Variants in GLT1D1 observed in about 807,000 individuals in gnomAD.
The protein encoded by GLT1D1 is glycosyltransferase 1 domain containing 1.
A neutral mutation model predicts 28.7 loss-of-function variants in GLT1D1; 21 were observed. The observed-to-expected ratio is 0.73, with a 90% CI of 0.52 to 1.05. The LOEUF is 1.05. GLT1D1 is among the 50% of genes least tolerant of loss of function. The probability of loss-of-function intolerance (pLI) is 0.00; values close to 1 mark genes in which losing one functional copy is unlikely to be tolerated. For synonymous variants in GLT1D1, 147 were observed against 124.8 expected, an observed-to-expected ratio of 1.18 and a Z score of -1.19; for missense variants, 343 against 330.6, an observed-to-expected ratio of 1.04 and a Z score of -0.29.
At chr12:128,907,819 C>T (rs73440345) in intron 4 of GLT1D1, among the ~76,000 whole-genome samples, 6,429 of 152,186 alleles carry the variant, frequency 0.042, 473 homozygotes, top group African/African-American at 0.15. Context: ...TTCCATGACC[C>T]GGGGCTCAAA....
At chr12:128,882,870 G>C (rs1957089178) in intron 2 of GLT1D1, among the ~76,000 whole-genome samples, 1 of 151,876 alleles carries the variant, frequency 6.6e-6, no homozygotes, top group Admixed American at 6.6e-5. Flanking sequence ...GGCCAAGAGT[G>C]TGTTAATCAA....
At chr12:128,938,670 C>T (rs1056820795) in intron 4 of GLT1D1, among the ~76,000 whole-genome samples, 3 of 152,184 alleles carry the variant, frequency 2.0e-5, no homozygotes, top group Non-Finnish European at 4.4e-5. Flanking sequence ...ATAATGCCTA[C>T]TGGTAAAGTG....
intron 2 of GLT1D1, among the ~76,000 whole-genome samples, chr12:128,877,193 T>C (rs573050143): frequency 6.6e-6 from 1 of 152,324 alleles, no homozygotes; most frequent in South Asian, 2.1e-4. Context: ...GCAAGACAGA[T>C]ATTTTTGTTA....
At chr12:128,968,469 G>A (rs533570486) in intron 7 of GLT1D1, among the ~76,000 whole-genome samples, 61 of 147,264 alleles carry the variant, frequency 4.1e-4, no homozygotes, top group African/African-American at 1.4e-3. Context: ...TCAGGAGTTC[G>A]AGGCCAACAT....
At chr12:128,857,287 G>C (rs1199888761) in intron 1 of GLT1D1, among the ~76,000 whole-genome samples, 1 of 152,214 alleles carries the variant, frequency 6.6e-6, no homozygotes, top group African/African-American at 2.4e-5. Context: ...AAAGGGGAAG[G>C]AGGCGGGCAG....
chr12:128,951,214 C>A (rs1876660172), intron 6 of GLT1D1, among the ~76,000 whole-genome samples: 2 of 152,006 alleles, frequency 1.3e-5, no homozygotes, highest in Admixed American at 1.3e-4. Context: ...ACCAGCCTGG[C>A]CAACATGATG....
intron 4 of GLT1D1, among the ~76,000 whole-genome samples, chr12:128,919,844 G>T (rs1426117714): frequency 6.6e-6 from 1 of 151,928 alleles, no homozygotes; most frequent in South Asian, 2.1e-4. Flanking sequence ...TTCCTTTCAG[G>T]CTATCAAACC....
Position 128,945,314 on chromosome 12 carries a change from G to A in GLT1D1, c.376-12G>A, listed in dbSNP as rs776265192. 6.8e-6 allele frequency: 11 copies of A among 1,614,008 alleles called. No individual in the cohort carries two copies. The highest frequency in any genetic ancestry group is 3.3e-4 in the Middle Eastern group (2 of 6,062). Reference sequence around the variant, plus strand: ...GCGGCGACCGCTGACATTTATCTTTGTCTCTTTTCAGGTCGATCCAGTGTT... The same window carrying A: ...GCGGCGACCGCTGACATTTATCTTTATCTCTTTTCAGGTCGATCCAGTGTT... On this transcript the variant is annotated splice_polypyrimidine_tract_variant and intron_variant, in intron 4 of 7. Transcript: ENST00000281703.
chr12:128,947,650 T>C (rs1003019930), intron 6 of GLT1D1, among the ~76,000 whole-genome samples, 192 bp downstream of exon 10: 5 of 152,198 alleles, frequency 3.3e-5, no homozygotes, highest in Admixed American at 1.3e-4. Context: ...ATCATTTCAT[T>C]TCTCATTGCT....
At chr12:128,932,825 T>A (rs904401993) in intron 4 of GLT1D1, among the ~76,000 whole-genome samples, 3 of 152,068 alleles carry the variant, frequency 2.0e-5, no homozygotes, top group Admixed American at 1.3e-4. Flanking sequence ...TGGTTTAAGA[T>A]CCCTGCCTCG....
chr12:128,924,940 G>A (rs1007792881), intron 4 of GLT1D1, among the ~76,000 whole-genome samples: 3 of 152,144 alleles, frequency 2.0e-5, no homozygotes, highest in South Asian at 2.1e-4. Context: ...GGGAAGGGCT[G>A]CAAAGACTGT....
chr12:128,865,255 G>A (rs1347376499), intron 1 of GLT1D1, among the ~76,000 whole-genome samples: 1 of 152,030 alleles, frequency 6.6e-6, no homozygotes, highest in African/African-American at 2.4e-5. Context: ...CTGCTTTTCT[G>A]ATATTCTGAT....
At chr12:128,954,990 AAGG>A in intron 6 of GLT1D1, among the ~76,000 whole-genome samples, 1 of 152,172 alleles carries the variant, frequency 6.6e-6, no homozygotes, top group South Asian at 2.1e-4. Context: ...CCCCTGCAAA[AAGG>A]TTATTTAATC....
At chr12:128,889,583 T>A (rs1868800222) in intron 3 of GLT1D1, among the ~76,000 whole-genome samples, 1 of 152,174 alleles carries the variant, frequency 6.6e-6, no homozygotes, top group South Asian at 2.1e-4. Flanking sequence ...TATCCCCAGT[T>A]GAGAATTCCT....
intron 3 of GLT1D1, among the ~76,000 whole-genome samples, chr12:128,890,815 A>G (rs1868961087): frequency 6.6e-6 from 1 of 152,172 alleles, no homozygotes; most frequent in South Asian, 2.1e-4. Flanking sequence ...CCTGGACAAC[A>G]GGGTGAAACT....
intron 4 of GLT1D1, among the ~76,000 whole-genome samples, chr12:128,939,488 G>A (rs1227029436): frequency 1.3e-5 from 2 of 151,674 alleles, no homozygotes; most frequent in Non-Finnish European, 2.9e-5. Context: ...TTGGGAGGCC[G>A]AGGCAGGAGG....
At chr12:128,893,436 A>G (rs1869290122) in intron 3 of GLT1D1, among the ~76,000 whole-genome samples, 1 of 152,138 alleles carries the variant, frequency 6.6e-6, no homozygotes, top group Non-Finnish European at 1.5e-5. Flanking sequence ...GTTTTAAGCT[A>G]TAGATATTTA....
At chr12:128,899,929 G>A (rs1566114950) in intron 4 of GLT1D1, among the ~76,000 whole-genome samples, 1 of 152,142 alleles carries the variant, frequency 6.6e-6, no homozygotes, top group East Asian at 1.9e-4. Flanking sequence ...GTATACATGA[G>A]AGTAACAATC....
intron 4 of GLT1D1, among the ~76,000 whole-genome samples, chr12:128,937,412 G>A (rs1394418135): frequency 6.6e-6 from 1 of 152,130 alleles, no homozygotes; most frequent in African/African-American, 2.4e-5. Flanking sequence ...AGGAGAAGGT[G>A]GGCAAGTATC....
Sources: allele counts gnomAD v4.1 joint callset (sites outside exome capture counted in the v4.1 genomes callset), GRCh38; gene constraint gnomAD v4.1.1; transcripts MANE v1.5; gene names NCBI Gene and HGNC (gene_info 2026-07-23, HGNC 2026-07-21).